NOSTRIN: variants seen among roughly 807,000 people sequenced by gnomAD.
The protein encoded by NOSTRIN is nitric oxide synthase trafficking, also known as BM247 homolog.
NOSTRIN carries 63 observed loss-of-function variants against 59.0 expected under a neutral mutation model. The ratio of observed to expected loss-of-function variants is 1.07; its 90% CI spans 0.87 to 1.32. NOSTRIN has a LOEUF of 1.32. Ranked by LOEUF, NOSTRIN falls within the 40% of genes most tolerant of loss-of-function variation. NOSTRIN has a pLI of 0.00. For missense variants in NOSTRIN, 512 were observed against 473.1 expected, an observed-to-expected ratio of 1.08 and a Z score of -0.76; for synonymous variants, 200 against 165.4, an observed-to-expected ratio of 1.21 and a Z score of -1.61.
chr2:168,803,512 TAAAG>T (rs946988114), intron 1 of NOSTRIN, among the ~76,000 whole-genome samples: 25 of 152,066 alleles, frequency 1.6e-4, no homozygotes, highest in African/African-American at 6.0e-4. Flanking sequence ...GATAAAGTCA[TAAAG>T]AAAAAGATCA....
chr2:168,860,151 A>G lies in NOSTRIN; in HGVS notation c.1179+514A>G, dbSNP rs182974045. 1.5e-4 allele frequency among the ~76,000 whole-genome samples: 23 copies of G among 152,330 alleles called. No homozygotes were observed. In the East Asian group the frequency reaches 4.4e-3, roughly 29 times the overall value. ...GCTCAAGAGCTCGAAAACAATCTCA[A>G]TCATTTACAGGGTTGTGATCATTTC... On this transcript the variant is annotated intron_variant, in intron 13 of 15. Transcript: ENST00000317647.
chr2:168,838,788 T>A (rs995494655), intron 7 of NOSTRIN, among the ~76,000 whole-genome samples: 3 of 102,404 alleles, frequency 2.9e-5, no homozygotes, highest in Non-Finnish European at 3.8e-5. Context: ...TAAAAAAAAC[T>A]CTTTTTTTTT....
intron 2 of NOSTRIN, among the ~76,000 whole-genome samples, chr2:168,815,944 T>G (rs1440630232): frequency 6.6e-6 from 1 of 152,186 alleles, no homozygotes; most frequent in Non-Finnish European, 1.5e-5. Flanking sequence ...ATTCTGTCCA[T>G]CTCAACTCAT....
At chr2:168,854,029 G>A (rs1251495975) in intron 10 of NOSTRIN, among the ~76,000 whole-genome samples, 1 of 151,934 alleles carries the variant, frequency 6.6e-6, no homozygotes, top group Admixed American at 6.6e-5. Flanking sequence ...CACCACGCCC[G>A]GCTAATTTTT....
rs192234449 is a variant in NOSTRIN, at chr2:168,792,371, G to A, written c.-473+4323G>A. On this transcript the variant is annotated intron_variant, in intron 2 of 20. Transcript: ENST00000458381. ...TGAGAATTCTAAATTGTTTGGTGTA[G>A]TCATGTGAGTTTTGTAAGTTTTTGA... Among the ~76,000 whole-genome samples, 157 of 152,214 alleles carry A rather than the reference G, an allele frequency of 1.0e-3. 1 individual carries two copies. Among genetic ancestry groups the A allele is most frequent in the African/African-American group, 3.6e-3 (150 of 41,544 alleles).
upstream of NOSTRIN, among the ~76,000 whole-genome samples, chr2:168,797,243 C>G (rs1248592801): frequency 6.6e-6 from 1 of 151,794 alleles, no homozygotes; most frequent in Non-Finnish European, 1.5e-5. Context: ...GTACGTACCA[C>G]CATGCCTGAC....
chr2:168,850,507 A>T (rs1688695804), intron 8 of NOSTRIN, among the ~76,000 whole-genome samples: 1 of 152,144 alleles, frequency 6.6e-6, no homozygotes, highest in South Asian at 2.1e-4. Flanking sequence ...AATGTACTAT[A>T]AACAATTCTA....
chr2:168,860,722 C>T (rs929228334), intron 13 of NOSTRIN, 73 bp from the exon 14 acceptor site: 1 of 929,186 alleles, frequency 1.1e-6, no homozygotes, highest in Non-Finnish European at 1.7e-6. Context: ...AAAACAGCTA[C>T]AGAAGAGTTA....
intron 7 of NOSTRIN, among the ~76,000 whole-genome samples, 172 bp downstream of exon 7, chr2:168,834,497 G>GCACA (rs1213788595): frequency 1.1e-4 from 2 of 18,306 alleles, no homozygotes; most frequent in African/African-American, 1.5e-4. Flanking sequence ...GCGTGCGCGC[G>GCACA]CGCGCGCGCG....
intron 1 of NOSTRIN, among the ~76,000 whole-genome samples, chr2:168,809,097 C>T (rs1180241262): frequency 6.6e-6 from 1 of 152,122 alleles, no homozygotes; most frequent in Non-Finnish European, 1.5e-5. Flanking sequence ...TAGAAAAACC[C>T]CAAATACATA....
At chr2:168,848,527 T>G (rs497808) in intron 8 of NOSTRIN, among the ~76,000 whole-genome samples, 47,531 of 152,148 alleles carry the variant, frequency 0.31, 8,462 homozygotes, top group East Asian at 0.58. Flanking sequence ...TTTACTACTT[T>G]CATTTGCAAG....
chr2:168,850,215 T>A (rs1220846639), intron 8 of NOSTRIN, among the ~76,000 whole-genome samples: 3 of 152,154 alleles, frequency 2.0e-5, no homozygotes, highest in African/African-American at 7.2e-5. Flanking sequence ...GCCCGGCCTC[T>A]AAAATGTTAA....
chr2:168,807,714 T>G (rs1416485341), intron 1 of NOSTRIN, among the ~76,000 whole-genome samples: 1 of 152,118 alleles, frequency 6.6e-6, no homozygotes, highest in Non-Finnish European at 1.5e-5. Context: ...ATTGGCAGAG[T>G]ATGGCTGGGA....
Position 168,828,507 on chromosome 2 carries a change from T to C in NOSTRIN, c.342+6T>C. On this transcript the variant is annotated splice_donor_region_variant and intron_variant, in intron 5 of 15. Coordinates refer to ENST00000317647, the MANE Select transcript of NOSTRIN (RefSeq NM_001039724.4). ...AAGAGAAGAAGAGAAAATCAGTGAG[T>C]CCAAACCTTTCTTTACTCTTCCTGT... is the stretch of plus-strand genomic sequence containing the variant. The C allele has an allele frequency of 1.2e-6, 1 of 856,800 alleles. No homozygotes were observed. Among genetic ancestry groups the C allele is most frequent in the South Asian group, 1.4e-5 (1 of 72,388 alleles). 53.1% of individuals were successfully genotyped at this position (856,800 alleles called of 1,614,324 possible).
chr2:168,854,011 G>A (rs745351179), intron 10 of NOSTRIN, among the ~76,000 whole-genome samples: 6 of 152,070 alleles, frequency 3.9e-5, no homozygotes, highest in Non-Finnish European at 8.8e-5. Flanking sequence ...GTGATTACAG[G>A]TGCACACCAC....
At chr2:168,841,114 C>T (rs539317913) in intron 7 of NOSTRIN, among the ~76,000 whole-genome samples, 42 of 151,390 alleles carry the variant, frequency 2.8e-4, no homozygotes, top group African/African-American at 1.0e-3. Flanking sequence ...CTAGTCCCAG[C>T]TACTTGGGAG....
At chr2:168,829,518 G>T (rs148689961) in intron 5 of NOSTRIN, among the ~76,000 whole-genome samples, 1 of 151,912 alleles carries the variant, frequency 6.6e-6, no homozygotes, top group Non-Finnish European at 1.5e-5. Context: ...ACCAGGGATC[G>T]CTATGTTGGT....
chr2:168,862,086 A>G (rs762328528), intron 15 of NOSTRIN, 37 bp downstream of exon 15: 3 of 1,563,410 alleles, frequency 1.9e-6, no homozygotes, highest in Non-Finnish European at 1.8e-6. Flanking sequence ...TTGCCTTCCC[A>G]TATTGAGATT....
chr2:168,824,601 G>A, intron 2 of NOSTRIN, 33 bp from the exon 3 acceptor site: 1 of 866,434 alleles, frequency 1.2e-6, no homozygotes, highest in East Asian at 2.4e-5. Flanking sequence ...GCCCAGCCCA[G>A]TACATCCTAT....
Sources: allele counts gnomAD v4.1 joint callset (sites outside exome capture counted in the v4.1 genomes callset), GRCh38; gene constraint gnomAD v4.1.1; transcripts MANE v1.5; gene names NCBI Gene and HGNC (gene_info 2026-07-23, HGNC 2026-07-21).